The following CDYL variants were observed in gnomAD, a reference collection of about 807,000 sequenced individuals.
The protein encoded by CDYL is chromodomain Y-like protein.
A neutral mutation model predicts 47.3 loss-of-function variants in CDYL; 8 were observed. The ratio of observed to expected loss-of-function variants is 0.17; its 90% CI spans 0.10 to 0.31. The LOEUF is 0.31. Ranked by LOEUF, CDYL falls within the 10% of genes least tolerant of loss-of-function variation. CDYL has a pLI of 1.00. For synonymous variants in CDYL, 266 were observed against 265.0 expected, an observed-to-expected ratio of 1.00 and a Z score of -0.04; for missense variants, 471 against 701.4, an observed-to-expected ratio of 0.67 and a Z score of 3.71.
chr6:4,729,175 C>A (rs1757561794), intron 2 of CDYL, among the ~76,000 whole-genome samples: 1 of 152,134 alleles, frequency 6.6e-6, no homozygotes, highest in African/African-American at 2.4e-5. Flanking sequence ...CCCTCTTCTC[C>A]AAACACACAA....
At chr6:4,863,047 T>C (rs951057738) in intron 1 of CDYL, among the ~76,000 whole-genome samples, 1 of 152,222 alleles carries the variant, frequency 6.6e-6, no homozygotes, top group Non-Finnish European at 1.5e-5. Flanking sequence ...TTATGTTCTT[T>C]GCAGCAGCAC....
At chr6:4,904,839 G>A (rs909955711) in intron 2 of CDYL, among the ~76,000 whole-genome samples, 1 of 152,276 alleles carries the variant, frequency 6.6e-6, no homozygotes, top group Non-Finnish European at 1.5e-5. Context: ...ACCCGTGTTA[G>A]CCACTTAGAC....
intron 1 of CDYL, among the ~76,000 whole-genome samples, chr6:4,844,012 T>G (rs1452596198): frequency 6.6e-6 from 1 of 152,176 alleles, no homozygotes; most frequent in East Asian, 1.9e-4. Flanking sequence ...TTTTGTCCCA[T>G]GGGGTGCTCC....
intron 1 of CDYL, among the ~76,000 whole-genome samples, chr6:4,823,449 T>C (rs1484236432): frequency 3.3e-5 from 5 of 152,260 alleles, no homozygotes; most frequent in African/African-American, 1.2e-4. Flanking sequence ...TTCCATACTA[T>C]CTGTAGTCCT....
intron 1 of CDYL, among the ~76,000 whole-genome samples, chr6:4,869,889 TC>T (rs1341063899): frequency 1.3e-5 from 2 of 152,332 alleles, no homozygotes; most frequent in South Asian, 2.1e-4. Context: ...CTCACATATT[TC>T]CCATTTCCAG....
At chr6:4,761,151 C>T (rs1377111042) in intron 3 of CDYL, among the ~76,000 whole-genome samples, 1 of 152,190 alleles carries the variant, frequency 6.6e-6, no homozygotes, top group East Asian at 1.9e-4. Context: ...TTTCTACAAC[C>T]TGAGAGCCAG....
At position 4,903,464 on chromosome 6, in the gene CDYL, G is replaced by C. The variant is rs9504289; in HGVS notation, c.691+11085G>C. 4.9e-3 allele frequency among the ~76,000 whole-genome samples: 745 copies of C among 152,262 alleles called. 3 individuals are homozygous for C. Among genetic ancestry groups the C allele is most frequent in the African/African-American group, 0.017 (710 of 41,524 alleles). On this transcript the variant is annotated intron_variant, in intron 2 of 6. Coordinates refer to ENST00000397588, the MANE Select transcript of CDYL (RefSeq NM_004824.4). ...CATCTTAAATGTCTTTTGATAATTA[G>C]CATTTTATTGAAAATTATATTGTTT...
chr6:4,891,860 C>G lies in CDYL; in HGVS notation c.172C>G (p.Arg58Gly). The G allele has an allele frequency of 1.2e-6, 2 of 1,614,114 alleles. No homozygotes were observed. The highest frequency in any genetic ancestry group is 1.7e-6 in the Non-Finnish European group (2 of 1,180,034). ...CEEYIHDFNR[R>G]HTEKQKESTL... Reference sequence around the variant, plus strand: ...GGAATACATCCACGACTTCAACAGACGCCACACGGAGAAGCAGAAGGAGAG... The same window carrying G: ...GGAATACATCCACGACTTCAACAGAGGCCACACGGAGAAGCAGAAGGAGAG... Residue 58 changes from arginine (R) to glycine (G), a missense_variant, in exon 2 of 7, where the codon CGC (arginine) becomes GGC (glycine). Arg to Gly is a moderately radical substitution (Grantham distance 125). Around this residue, in one of 3 missense-constraint regions of CDYL, gnomAD observed 311 missense variants for 350.0 expected, o/e 0.89. Transcript: ENST00000397588.
chr6:4,851,478 G>T (rs1378256213), intron 1 of CDYL, among the ~76,000 whole-genome samples: 1 of 152,148 alleles, frequency 6.6e-6, no homozygotes, highest in Non-Finnish European at 1.5e-5. Context: ...CATTGTGGCA[G>T]GCGACATCTG....
At chr6:4,809,862 C>T (rs866214854) in intron 1 of CDYL, among the ~76,000 whole-genome samples, 3 of 75,096 alleles carry the variant, frequency 4.0e-5, no homozygotes, top group Admixed American at 1.4e-4. Context: ...TATATTAGTC[C>T]TTGGCGATAC....
chr6:4,876,061 A>G (rs1037987250), intron 1 of CDYL, among the ~76,000 whole-genome samples: 1 of 152,228 alleles, frequency 6.6e-6, no homozygotes, highest in Non-Finnish European at 1.5e-5. Context: ...AAGCTTATCA[A>G]GCTGGAAAGC....
intron 3 of CDYL, among the ~76,000 whole-genome samples, chr6:4,753,023 T>C (rs539418271): frequency 1.0e-3 from 158 of 152,038 alleles, no homozygotes; most frequent in Non-Finnish European, 1.9e-3. Context: ...GCTCAAGCAA[T>C]CCTCCCACCT....
At chr6:4,918,574 T>G (rs1385378499) in intron 2 of CDYL, among the ~76,000 whole-genome samples, 1 of 152,258 alleles carries the variant, frequency 6.6e-6, no homozygotes, top group African/African-American at 2.4e-5. Context: ...CGTAGTAATT[T>G]CTGATGTTTT....
chr6:4,787,317 G>A (rs1363130605), intron 1 of CDYL, among the ~76,000 whole-genome samples: 1 of 152,164 alleles, frequency 6.6e-6, no homozygotes, highest in Non-Finnish European at 1.5e-5. Context: ...AGACGAGTCA[G>A]AGTCAGAGTT....
chr6:4,838,261 G>A (rs1760382620), intron 1 of CDYL, among the ~76,000 whole-genome samples: 1 of 152,078 alleles, frequency 6.6e-6, no homozygotes, highest in Non-Finnish European at 1.5e-5. Flanking sequence ...CATCACCCGA[G>A]CAGTGTACAC....
intron 3 of CDYL, among the ~76,000 whole-genome samples, chr6:4,766,339 A>C (rs1016217860): frequency 6.6e-6 from 1 of 151,658 alleles, no homozygotes; most frequent in Non-Finnish European, 1.5e-5. Flanking sequence ...CCTCCTGAGT[A>C]GCTGGGATTA....
At chr6:4,742,767 CAG>C (rs1401514415) in intron 3 of CDYL, among the ~76,000 whole-genome samples, 1 of 152,224 alleles carries the variant, frequency 6.6e-6, no homozygotes, top group African/African-American at 2.4e-5. Context: ...TTTGCCCTCT[CAG>C]GGGTTTTTCC....
In CDYL at chr6:4,737,307, T is replaced by C. The variant is rs565844426; in HGVS notation, c.186+2463T>C. Among the ~76,000 whole-genome samples, 28 of 152,060 alleles carry C rather than the reference T, an allele frequency of 1.8e-4. No individual in the cohort carries two copies. In the South Asian group the frequency reaches 5.8e-3, roughly 32 times the overall value. ...ATTTCACTACACACACAAAAAAAGA[T>C]GCAAAACACGTCACAGACCAAAAAT... On this transcript the variant is annotated intron_variant, in intron 3 of 8. Transcript: ENST00000328908.
At chr6:4,940,953 C>T (rs1362559632) in intron 4 of CDYL, among the ~76,000 whole-genome samples, 2 of 152,236 alleles carry the variant, frequency 1.3e-5, no homozygotes, top group African/African-American at 4.8e-5. Context: ...TCCCTGCTGC[C>T]TCCTTCTCCC....
Sources: allele counts gnomAD v4.1 joint callset (sites outside exome capture counted in the v4.1 genomes callset), GRCh38; gene constraint gnomAD v4.1.1; regional missense constraint gnomAD v4.1.1; transcripts MANE v1.5; gene names NCBI Gene and HGNC (gene_info 2026-07-23, HGNC 2026-07-21).